PPP6R2: variants seen among roughly 807,000 people sequenced by gnomAD.
PPP6R2 encodes the protein serine/threonine-protein phosphatase 6 regulatory subunit 2.
PPP6R2 carries 62 observed loss-of-function variants against 100.2 expected under a neutral mutation model. The observed-to-expected ratio is 0.62, with a 90% CI of 0.50 to 0.76. The LOEUF (loss-of-function observed/expected upper bound fraction) is 0.76, where lower values mean the gene tolerates loss of function less well. PPP6R2 is among the 30% of genes least tolerant of loss of function. The pLI is 0.00. For synonymous variants in PPP6R2, 525 were observed against 514.7 expected (o/e 1.02, Z -0.27); for missense variants, 1,142 against 1,276.3 (o/e 0.89, Z 1.60).
intron 13 of PPP6R2, 101 bp downstream of exon 13, chr22:50,435,182 T>A: frequency 2.1e-6 from 2 of 971,360 alleles, no homozygotes. Flanking sequence ...AGGTGCTGAC[T>A]GCACTGACAG....
intron 2 of PPP6R2, among the ~76,000 whole-genome samples, chr22:50,380,937 C>T (rs1171591338): frequency 4.8e-5 from 7 of 146,456 alleles, no homozygotes; most frequent in Admixed American, 6.9e-5. Context: ...TGCAGTGAGC[C>T]GAGATTACGC....
chr22:50,349,241 A>G (rs776411154), intron 1 of PPP6R2, among the ~76,000 whole-genome samples: 13 of 148,436 alleles, frequency 8.8e-5, no homozygotes, highest in Non-Finnish European at 1.3e-4. Context: ...GTGTGCGCCT[A>G]TAGTCCCAGC....
chr22:50,334,032 CT>C, the PPP6R2 span, among the ~76,000 whole-genome samples: 2 of 152,222 alleles, frequency 1.3e-5, no homozygotes, highest in Non-Finnish European at 2.9e-5. Context: ...AGATCAAATA[CT>C]TTAATACTTT....
intron 2 of PPP6R2, among the ~76,000 whole-genome samples, chr22:50,392,690 A>G (rs1354628910): frequency 2.0e-5 from 3 of 152,224 alleles, no homozygotes; most frequent in African/African-American, 7.2e-5. Flanking sequence ...GGCATGCTGT[A>G]GAAAGCAGCC....
intron 22 of PPP6R2, 95 bp downstream of exon 22, chr22:50,441,121 G>T: frequency 8.9e-7 from 1 of 1,118,772 alleles, no homozygotes. Flanking sequence ...GAGGAGGTGA[G>T]GCCAGGCCAG....
intron 3 of PPP6R2, among the ~76,000 whole-genome samples, chr22:50,397,142 G>A (rs1279789875): frequency 6.6e-6 from 1 of 152,160 alleles, no homozygotes; most frequent in Non-Finnish European, 1.5e-5. Flanking sequence ...AGAGCAAGAG[G>A]ACTATGAACC....
intron 5 of PPP6R2, 133 bp from the exon 6 acceptor site, chr22:50,415,959 C>G (rs2060470371): frequency 3.9e-6 from 3 of 767,098 alleles, no homozygotes; most frequent in African/African-American, 1.7e-5. Context: ...TGTGTTCTTT[C>G]TGGGTCTGGG....
chr22:50,342,462 C>G (rs1010401974), upstream of PPP6R2, among the ~76,000 whole-genome samples: 1 of 152,154 alleles, frequency 6.6e-6, no homozygotes, highest in African/African-American at 2.4e-5. Context: ...AAGCCCTTTT[C>G]TCCTGCAACG....
intron 6 of PPP6R2, among the ~76,000 whole-genome samples, chr22:50,418,507 C>T (rs1326536286): frequency 1.3e-5 from 2 of 151,968 alleles, no homozygotes; most frequent in African/African-American, 2.4e-5. Context: ...TGCCCTCAGC[C>T]AACCGAGTAG....
intron 1 of PPP6R2, among the ~76,000 whole-genome samples, chr22:50,361,284 G>C (rs2047739533): frequency 6.6e-6 from 1 of 152,152 alleles, no homozygotes; most frequent in African/African-American, 2.4e-5. Context: ...CATGGGCTTT[G>C]CTCTCAGCCA....
the PPP6R2 span, among the ~76,000 whole-genome samples, chr22:50,334,577 C>T: frequency 2.6e-4 from 39 of 152,078 alleles, no homozygotes; most frequent in African/African-American, 3.1e-4. Context: ...TGGTCTCTTG[C>T]CTTGGCACCT....
chr22:50,364,061 G>GT (rs2048290588), intron 1 of PPP6R2, among the ~76,000 whole-genome samples: 1 of 151,762 alleles, frequency 6.6e-6, no homozygotes, highest in African/African-American at 2.4e-5. Context: ...CGTCTGGCTA[G>GT]TTTTTTTGTA....
Position 50,401,498 on chromosome 22 carries a change from G to T in PPP6R2, c.228-5191G>T, listed in dbSNP as rs1462344117. On this transcript the variant is annotated intron_variant, in intron 3 of 23. Transcript: ENST00000612753. ...CTGGATTACAGGCGTGAGCCACCGC[G>T]CCAGGCCAATTTTTTTTTTTTTTTT... 2.8e-5 allele frequency among the ~76,000 whole-genome samples: 4 copies of T among 141,480 alleles called. 1 individual carries two copies. The East Asian group carries it at 8.7e-4, about 31-fold the overall frequency. 92.8% of individuals were successfully genotyped at this position (141,480 alleles called of 152,430 possible). A position where few individuals can be genotyped will look rare whatever the true frequency, so the allele number is the denominator to read the frequency against.
At chr22:50,395,093 C>T (rs2056495115) in intron 3 of PPP6R2, among the ~76,000 whole-genome samples, 1 of 152,132 alleles carries the variant, frequency 6.6e-6, no homozygotes, top group Non-Finnish European at 1.5e-5. Context: ...GTACTGTCAG[C>T]AGGGTTGGCT....
intron 2 of PPP6R2, among the ~76,000 whole-genome samples, chr22:50,389,975 CTTTTTTCTTTTTCTTTTTTTTTCT>C (rs1569369405): frequency 6.7e-6 from 1 of 148,752 alleles, no homozygotes; most frequent in Admixed American, 6.9e-5. Context: ...AGATTTTTTT[CTTTTTTCTTTTTCTTTTTTTTTCT>C]TTTTTTTTTT....
chr22:50,440,913 C>A lies in PPP6R2; in HGVS notation c.2466C>A (p.His822Gln). 1 of 1,613,776 alleles carries A rather than the reference C, an allele frequency of 6.2e-7. No individual in the cohort carries two copies. The highest frequency in any genetic ancestry group is 8.5e-7 in the Non-Finnish European group (1 of 1,180,010). The change falls in exon 22 of 24, where the codon CAC becomes CAA. Residue 822 changes from histidine to glutamine, a missense_variant. His to Gln is a conservative substitution (Grantham distance 24, BLOSUM62 0). Coordinates refer to ENST00000612753, the MANE Select transcript of PPP6R2 (RefSeq NM_001242898.2). ...ACAGTAGCTCCTCTGGGGGCTCCCA[C>A]AGCGAGGATGGCGACCAGAAGGCAG... The part of the protein sequence containing the change: ...ASDSSSSGGS[H>Q]SEDGDQKAAS...
At chr22:50,432,153 A>G in intron 11 of PPP6R2, 112 bp from the exon 12 acceptor site, 1 of 966,414 alleles carries the variant, frequency 1.0e-6, no homozygotes. Flanking sequence ...AGGGCCTGCA[A>G]AGTCCACACA....
At chr22:50,443,491 T>C in intron 22 of PPP6R2, 1 of 201,264 alleles carries the variant, frequency 5.0e-6, no homozygotes, top group Non-Finnish European at 1.0e-5. Context: ...GGCAGGGTCC[T>C]CTCTACCCTC....
At chr22:50,386,848 G>A (rs2054354448) in intron 2 of PPP6R2, among the ~76,000 whole-genome samples, 1 of 152,054 alleles carries the variant, frequency 6.6e-6, no homozygotes, top group Non-Finnish European at 1.5e-5. Context: ...GAAGGAGGGT[G>A]GCCATGTACC....
Sources: allele counts gnomAD v4.1 joint callset (sites outside exome capture counted in the v4.1 genomes callset), GRCh38; gene constraint gnomAD v4.1.1; transcripts MANE v1.5; gene names NCBI Gene and HGNC (gene_info 2026-07-23, HGNC 2026-07-21).